CDH12: variants seen among roughly 807,000 people sequenced by gnomAD.
CDH12 encodes cadherin 12, also known as cadherin-12.
In CDH12, 41 loss-of-function variants were observed where a neutral mutation model predicts 74.1. The ratio of observed to expected loss-of-function variants is 0.55; its 90% CI spans 0.43 to 0.72. The LOEUF (loss-of-function observed/expected upper bound fraction) is 0.72, where lower values mean the gene tolerates loss of function less well. Ranked by LOEUF, CDH12 falls within the 30% of genes least tolerant of loss-of-function variation. The pLI is 0.00. For synonymous variants in CDH12, 399 were observed against 355.0 expected (o/e 1.12, Z -1.39); for missense variants, 945 against 977.2 (o/e 0.97, Z 0.44).
chr5:22,071,666 G>A (rs1741947590), intron 5 of CDH12, among the ~76,000 whole-genome samples: 1 of 151,658 alleles, frequency 6.6e-6, no homozygotes, highest in Admixed American at 6.6e-5. Flanking sequence ...AACCACTTAT[G>A]GTTTTAACTA....
chr5:21,961,200 C>A (rs576507881), intron 6 of CDH12, among the ~76,000 whole-genome samples: 1 of 152,108 alleles, frequency 6.6e-6, no homozygotes, highest in Non-Finnish European at 1.5e-5. Context: ...GTTTTTACTT[C>A]GTGCATTTTG....
chr5:22,730,336 T>C (rs989141507), intron 1 of CDH12, among the ~76,000 whole-genome samples: 1 of 151,762 alleles, frequency 6.6e-6, no homozygotes, highest in Non-Finnish European at 1.5e-5. Flanking sequence ...CCAAAACAAA[T>C]TGTTTTGCCC....
chr5:22,654,392 C>T (rs35085231), intron 1 of CDH12, among the ~76,000 whole-genome samples: 31,104 of 151,622 alleles, frequency 0.21, 3,797 homozygotes, highest in Admixed American at 0.35. Context: ...CAGGTTCAAG[C>T]GATTCTCCTG....
intron 13 of CDH12, 22 bp downstream of exon 13, chr5:21,760,536 A>G: frequency 8.2e-7 from 1 of 1,213,464 alleles, no homozygotes; most frequent in South Asian, 1.2e-5. Context: ...TAAGAGGTAA[A>G]TTTTTCTGTA....
At chr5:22,160,902 C>T (rs1206722562) in intron 4 of CDH12, among the ~76,000 whole-genome samples, 1 of 152,138 alleles carries the variant, frequency 6.6e-6, no homozygotes, top group East Asian at 1.9e-4. Flanking sequence ...ACATTTAGAT[C>T]ATGGCAATAT....
chr5:22,326,666 G>A (rs1440403077), intron 3 of CDH12, among the ~76,000 whole-genome samples: 1 of 152,164 alleles, frequency 6.6e-6, no homozygotes, highest in African/African-American at 2.4e-5. Context: ...ACAAGAAATA[G>A]ACATTAGGAA....
chr5:22,773,510 A>C (rs2126318628), intron 1 of CDH12, among the ~76,000 whole-genome samples: 1 of 152,324 alleles, frequency 6.6e-6, no homozygotes, highest in Non-Finnish European at 1.5e-5. Context: ...AAGATGGATT[A>C]AAGATTTAAA....
In CDH12 at chr5:22,445,411, A is replaced by G. The variant is rs184190409; in HGVS notation, c.-427-40060T>C. On this transcript the variant is annotated intron_variant, in intron 2 of 14. Coordinates refer to ENST00000382254, the MANE Select transcript of CDH12 (RefSeq NM_004061.5). ...CCCACCTCCCATATTGCCAAAGTAA[A>G]CCTGTTTTGTGTATTTCATTCTATC... 2.0e-4 allele frequency among the ~76,000 whole-genome samples: 31 copies of G among 152,164 alleles called. 2 individuals carry two copies. The East Asian group carries it at 5.4e-3, about 27-fold the overall frequency.
intron 4 of CDH12, among the ~76,000 whole-genome samples, chr5:22,094,758 C>T (rs141747672): frequency 1.1e-4 from 17 of 152,276 alleles, no homozygotes; most frequent in African/African-American, 3.6e-4. Flanking sequence ...TGCACATACA[C>T]ATCCAGATGG....
At chr5:22,804,129 GT>G (rs975577133) in intron 1 of CDH12, among the ~76,000 whole-genome samples, 19 of 151,338 alleles carry the variant, frequency 1.3e-4, no homozygotes, top group Non-Finnish European at 2.5e-4. Context: ...GACATTTCAA[GT>G]TTTTTTTTAC....
intron 5 of CDH12, among the ~76,000 whole-genome samples, chr5:21,980,042 G>A (rs1201100083): frequency 1.3e-5 from 2 of 151,618 alleles, no homozygotes; most frequent in Non-Finnish European, 2.9e-5. Flanking sequence ...GGCCAGTGAT[G>A]ATGAGCATTT....
chr5:22,633,836 A>C (rs1738701849), intron 1 of CDH12, among the ~76,000 whole-genome samples: 1 of 152,218 alleles, frequency 6.6e-6, no homozygotes, highest in African/African-American at 2.4e-5. Flanking sequence ...CCAATAGCTT[A>C]TAAGAAACCT....
chr5:21,858,880 C>T (rs372448811), intron 6 of CDH12, among the ~76,000 whole-genome samples: 379 of 151,934 alleles, frequency 2.5e-3, no homozygotes, highest in Non-Finnish European at 3.9e-3. Context: ...GTATGTATTT[C>T]TTGTATAGAG....
intron 1 of CDH12, among the ~76,000 whole-genome samples, chr5:22,515,708 T>C (rs1353753373): frequency 6.6e-6 from 1 of 152,074 alleles, no homozygotes; most frequent in Non-Finnish European, 1.5e-5. Context: ...TGATCTCTAA[T>C]TAAAAATTTT....
chr5:22,645,518 T>C lies in CDH12; in HGVS notation c.-522-140154A>G, dbSNP rs190726188. On this transcript the variant is annotated intron_variant, in intron 1 of 14. Coordinates refer to ENST00000382254, the MANE Select transcript of CDH12 (RefSeq NM_004061.5). ...TGAAGGAATCTACTTCTGGTAAAGA[T>C]GCTATGAACATTGGTGAAATCACAA... Among the ~76,000 whole-genome samples, 154 of 152,174 alleles carry C rather than the reference T, an allele frequency of 1.0e-3. 1 individual carries two copies. The highest frequency in any genetic ancestry group is 3.4e-3 in the African/African-American group (143 of 41,554).
intron 1 of CDH12, among the ~76,000 whole-genome samples, chr5:22,518,195 T>C (rs898013025): frequency 2.0e-5 from 3 of 152,230 alleles, no homozygotes; most frequent in African/African-American, 7.2e-5. Flanking sequence ...AATGTGTTTG[T>C]TTCTTACTCA....
chr5:22,242,886 T>C (rs945222338), intron 3 of CDH12, among the ~76,000 whole-genome samples: 1 of 152,184 alleles, frequency 6.6e-6, no homozygotes, highest in African/African-American at 2.4e-5. Context: ...GTCAACTTCT[T>C]TTCTCTCCAG....
chr5:22,690,380 T>C (rs1742022544), intron 1 of CDH12, among the ~76,000 whole-genome samples: 1 of 152,166 alleles, frequency 6.6e-6, no homozygotes, highest in Non-Finnish European at 1.5e-5. Flanking sequence ...ATCCAAGTTT[T>C]ATTACACACT....
intron 1 of CDH12, among the ~76,000 whole-genome samples, chr5:22,573,813 A>G (rs2126769889): frequency 6.6e-6 from 1 of 152,250 alleles, no homozygotes; most frequent in South Asian, 2.1e-4. Flanking sequence ...CCACAATATG[A>G]AATTGATATA....
Sources: allele counts gnomAD v4.1 joint callset (sites outside exome capture counted in the v4.1 genomes callset), GRCh38; gene constraint gnomAD v4.1.1; transcripts MANE v1.5; gene names NCBI Gene and HGNC (gene_info 2026-07-23, HGNC 2026-07-21).